SPEF2: variants seen among roughly 807,000 people sequenced by gnomAD.
SPEF2 encodes sperm flagellar and cilia associated 2, also known as sperm flagella and cilia-associated protein 2.
A neutral mutation model predicts 224.6 loss-of-function variants in SPEF2; 187 were observed. The observed-to-expected ratio is 0.83, with a 90% CI of 0.74 to 0.94. The LOEUF (loss-of-function observed/expected upper bound fraction) is 0.94. Ranked by LOEUF, SPEF2 falls within the 40% of genes least tolerant of loss-of-function variation. The pLI is 0.00. For synonymous variants in SPEF2, 715 were observed against 707.3 expected, an observed-to-expected ratio of 1.01 and a Z score of -0.17; for missense variants, 2,170 against 2,135.6, an observed-to-expected ratio of 1.02 and a Z score of -0.32.
chr5:35,700,559 G>A lies in SPEF2; in HGVS notation c.2205G>A (p.Gln735=), dbSNP rs1490303148. 6.2e-7 allele frequency: 1 copy of A among 1,613,790 alleles called. No homozygotes were observed. The highest frequency in any genetic ancestry group is 8.5e-7 in the Non-Finnish European group (1 of 1,179,936). The stretch of plus-strand genomic sequence containing the variant: ...TTCCAATGACTTTAAACCAAGCACA[G>A]CTTCTGGAAGAAGCTCTTACAGGCT... ...DGFPMTLNQA[Q]LLEEALTGCN... Residue 735 remains glutamine, a synonymous_variant, in exon 16 of 37, where the codon CAG becomes CAA. Transcript: ENST00000356031.
At chr5:35,811,996 G>A (rs956977963) in intron 36 of SPEF2, among the ~76,000 whole-genome samples, 1 of 151,880 alleles carries the variant, frequency 6.6e-6, no homozygotes, top group Non-Finnish European at 1.5e-5. Context: ...CAATGTGTTA[G>A]CCAGGATGGT....
intron 5 of SPEF2, among the ~76,000 whole-genome samples, chr5:35,649,084 A>G (rs2149422897): frequency 6.6e-6 from 1 of 152,168 alleles, no homozygotes; most frequent in Non-Finnish European, 1.5e-5. Context: ...TGACTCTTTG[A>G]TAATCTTTAT....
chr5:35,634,775 C>A (rs914543198), intron 2 of SPEF2, among the ~76,000 whole-genome samples: 1 of 151,998 alleles, frequency 6.6e-6, no homozygotes, highest in Non-Finnish European at 1.5e-5. Flanking sequence ...CATATCTATT[C>A]GTACCTATTG....
chr5:35,713,476 C>T (rs1236904873), intron 20 of SPEF2, among the ~76,000 whole-genome samples: 1 of 151,848 alleles, frequency 6.6e-6, no homozygotes, highest in Non-Finnish European at 1.5e-5. Context: ...TGGCTCATGC[C>T]TGTAATCCCA....
chr5:35,721,906 C>T lies in SPEF2; in HGVS notation c.2915-5769C>T, dbSNP rs113883722. Among the ~76,000 whole-genome samples, 733 of 152,264 alleles carry T rather than the reference C, an allele frequency of 4.8e-3. 6 individuals carry two copies. The highest frequency in any genetic ancestry group is 0.017 in the African/African-American group (715 of 41,544). On this transcript the variant is annotated intron_variant, in intron 20 of 36. Transcript: ENST00000356031. ...CCTAGGATGTAAAGCAAGATGGAGG[C>T]TTGCAGCACAAACCATACGGACATG...
intron 19 of SPEF2, chr5:35,709,514 G>C (rs867320970): frequency 3.0e-6 from 3 of 989,424 alleles, no homozygotes; most frequent in African/African-American, 3.5e-5. Flanking sequence ...AGTATAGCTG[G>C]TTTTCCACCA....
Position 35,709,094 on chromosome 5 carries a change from C to A in SPEF2, c.2812C>A (p.Pro938Thr). The change falls in exon 19 of 37, where the codon CCT becomes ACT. Residue 938 changes from proline (P) to threonine (T), a missense_variant. Transcript: ENST00000356031. Reference protein sequence around the residue: ...IHQSHVASKTPTAKGKPQSEA... With the variant: ...IHQSHVASKTTTAKGKPQSEA... ...TCAAAGCCATGTGGCTTCAAAAACT[C>A]CTACTGCAAAAGGAAAACCTCAATC... 1 of 1,612,646 alleles carries A rather than the reference C, an allele frequency of 6.2e-7. No homozygotes were observed. Among genetic ancestry groups the A allele is most frequent in the South Asian group, 1.1e-5 (1 of 90,616 alleles).
chr5:35,740,028 C>G lies in SPEF2; in HGVS notation c.3173C>G (p.Ala1058Gly). 1 of 1,614,104 alleles carries G rather than the reference C, an allele frequency of 6.2e-7. No homozygotes were observed. Among genetic ancestry groups the G allele is most frequent in the Non-Finnish European group, 8.5e-7 (1 of 1,179,992 alleles). ...HLREDQHTVL[A>G]YLYEIRTSFQ... ...AGGGAAGACCAGCATACTGTGCTTGCTTACTTATATGAGATTAGGTAAGTA... is the reference window on the plus strand; with the variant it reads ...AGGGAAGACCAGCATACTGTGCTTGGTTACTTATATGAGATTAGGTAAGTA... Residue 1058 changes from alanine (A) to glycine (G), a missense_variant, in exon 22 of 37, where the codon GCT becomes GGT. Coordinates refer to ENST00000356031, the MANE Select transcript of SPEF2 (RefSeq NM_024867.4).
At chr5:35,641,762 C>A (rs146799924) in intron 3 of SPEF2, 79 bp downstream of exon 3, 1 of 1,469,220 alleles carries the variant, frequency 6.8e-7, no homozygotes, top group Non-Finnish European at 9.2e-7. Context: ...ATTGAATTCT[C>A]AAAGAAGCCT....
intron 29 of SPEF2, among the ~76,000 whole-genome samples, chr5:35,777,560 T>G (rs1753765132): frequency 6.6e-6 from 1 of 151,956 alleles, no homozygotes; most frequent in African/African-American, 2.4e-5. Context: ...TTTTAGCAGA[T>G]GTATTCATAT....
At chr5:35,715,821 T>TC (rs1444327157) in intron 20 of SPEF2, among the ~76,000 whole-genome samples, 2 of 144,972 alleles carry the variant, frequency 1.4e-5, no homozygotes, top group African/African-American at 5.1e-5. Flanking sequence ...AATTTCTTTT[T>TC]TTTTTTTTTT....
intron 20 of SPEF2, 96 bp downstream of exon 20, chr5:35,712,982 C>A: frequency 9.3e-7 from 1 of 1,071,998 alleles, no homozygotes; most frequent in Non-Finnish European, 1.3e-6. Context: ...TATACATTGA[C>A]CACTTCTCTC....
chr5:35,723,090 A>G (rs1744046046), intron 20 of SPEF2, among the ~76,000 whole-genome samples: 1 of 152,102 alleles, frequency 6.6e-6, no homozygotes, highest in African/African-American at 2.4e-5. Context: ...CCACACAGGA[A>G]AAAGAGGGGC....
intron 36 of SPEF2, among the ~76,000 whole-genome samples, chr5:35,812,981 T>C (rs1758630420): frequency 6.6e-6 from 1 of 152,218 alleles, no homozygotes; most frequent in South Asian, 2.1e-4. Flanking sequence ...TCACAGGCTC[T>C]TCTCCATTCA....
intron 23 of SPEF2, among the ~76,000 whole-genome samples, chr5:35,744,528 A>G (rs1748157982): frequency 6.6e-6 from 1 of 152,242 alleles, no homozygotes; most frequent in African/African-American, 2.4e-5. Flanking sequence ...AGCCACAGAC[A>G]TGATGTTACT....
intron 26 of SPEF2, among the ~76,000 whole-genome samples, chr5:35,768,663 T>C (rs572301756): frequency 3.2e-4 from 48 of 152,284 alleles, no homozygotes; most frequent in African/African-American, 1.0e-3. Context: ...CTTTTCCTTG[T>C]GGACTTTAAA....
At chr5:35,667,323 A>G in intron 9 of SPEF2, 64 bp downstream of exon 9, 1 of 1,344,408 alleles carries the variant, frequency 7.4e-7, no homozygotes, top group Non-Finnish European at 1.0e-6. Context: ...TAAGATTGTA[A>G]AATAGATACT....
At chr5:35,716,542 CA>C (rs1413455283) in intron 20 of SPEF2, among the ~76,000 whole-genome samples, 2 of 152,134 alleles carry the variant, frequency 1.3e-5, no homozygotes, top group Non-Finnish European at 2.9e-5. Context: ...ACAAGTTCAA[CA>C]GCAAAATATA....
At chr5:35,661,270 A>AC (rs1749679720) in intron 8 of SPEF2, among the ~76,000 whole-genome samples, 1 of 27,694 alleles carries the variant, frequency 3.6e-5, no homozygotes, top group Non-Finnish European at 6.9e-5. Context: ...ATATATATAT[A>AC]TATATATATA....
Sources: allele counts gnomAD v4.1 joint callset (sites outside exome capture counted in the v4.1 genomes callset), GRCh38; gene constraint gnomAD v4.1.1; transcripts MANE v1.5; gene names NCBI Gene and HGNC (gene_info 2026-07-23, HGNC 2026-07-21).